TTLL5: variants seen among roughly 807,000 people sequenced by gnomAD.
TTLL5 encodes the protein tubulin polyglutamylase TTLL5.
In TTLL5, 132 loss-of-function variants were observed where a neutral mutation model predicts 168.4. The observed-to-expected ratio is 0.78, with a 90% confidence interval of 0.68 to 0.91. The LOEUF is 0.91. Among genes scored for constraint, TTLL5 ranks in the 40% least tolerant of loss-of-function variants. TTLL5 has a pLI of 0.00. For synonymous variants in TTLL5, 546 were observed against 558.6 expected, an observed-to-expected ratio of 0.98 and a Z score of 0.32; for missense variants, 1,545 against 1,581.5, an observed-to-expected ratio of 0.98 and a Z score of 0.39.
intron 29 of TTLL5, among the ~76,000 whole-genome samples, chr14:75,872,645 C>G (rs966213801): frequency 6.6e-6 from 1 of 152,108 alleles, no homozygotes; most frequent in Non-Finnish European, 1.5e-5. Flanking sequence ...TGTGGTGGCT[C>G]ACACCCATAA....
intron 10 of TTLL5, among the ~76,000 whole-genome samples, chr14:75,718,982 A>G (rs1435320186): frequency 6.6e-6 from 1 of 152,208 alleles, no homozygotes; most frequent in Non-Finnish European, 1.5e-5. Context: ...AAGAGATCAT[A>G]CCTCCACTGT....
intron 31 of TTLL5, among the ~76,000 whole-genome samples, chr14:75,922,018 CTCTTTGTT>C (rs1008830794): frequency 3.3e-5 from 5 of 152,026 alleles, no homozygotes; most frequent in African/African-American, 1.2e-4. Flanking sequence ...CATGATTTGG[CTCTTTGTT>C]TGTTTGTTTG....
intron 5 of TTLL5, among the ~76,000 whole-genome samples, chr14:75,689,074 A>G (rs969453585): frequency 1.3e-5 from 2 of 152,232 alleles, no homozygotes; most frequent in Admixed American, 6.5e-5. Context: ...TGTAAAAGAC[A>G]TTACAGCTTC....
intron 17 of TTLL5, among the ~76,000 whole-genome samples, chr14:75,752,260 T>C (rs1451897731): frequency 1.3e-5 from 2 of 152,214 alleles, no homozygotes; most frequent in African/African-American, 4.8e-5. Context: ...ACCCAGCCCC[T>C]GTTCAAGATG....
At chr14:75,861,544 T>C (rs61980817) in intron 28 of TTLL5, among the ~76,000 whole-genome samples, 3,960 of 152,268 alleles carry the variant, frequency 0.026, 69 homozygotes, top group Non-Finnish European at 0.042. Flanking sequence ...ACCTCTGTCA[T>C]TGAAATGACT....
intron 31 of TTLL5, among the ~76,000 whole-genome samples, chr14:75,942,479 G>A (rs984758551): frequency 6.6e-6 from 1 of 152,100 alleles, no homozygotes; most frequent in African/African-American, 2.4e-5. Context: ...TAAGAGTGTA[G>A]CAGTGAAAAT....
At chr14:75,933,676 T>A (rs573366611) in intron 31 of TTLL5, among the ~76,000 whole-genome samples, 2 of 152,352 alleles carry the variant, frequency 1.3e-5, no homozygotes, top group African/African-American at 4.8e-5. Flanking sequence ...AGGCTGCTGT[T>A]ATGGACTGAA....
At chr14:75,885,998 G>A (rs1229165836) in intron 30 of TTLL5, among the ~76,000 whole-genome samples, 11 of 152,066 alleles carry the variant, frequency 7.2e-5, no homozygotes, top group Non-Finnish European at 1.3e-4. Context: ...CCTTTACTCC[G>A]GCTCAGTTCA....
chr14:75,910,050 T>C (rs1292329551), intron 31 of TTLL5, among the ~76,000 whole-genome samples: 1 of 152,222 alleles, frequency 6.6e-6, no homozygotes, highest in African/African-American at 2.4e-5. Context: ...AAGGGGTTCA[T>C]TGGCCTTGAA....
At chr14:75,809,845 C>T (rs566710384) in intron 27 of TTLL5, among the ~76,000 whole-genome samples, 5 of 152,220 alleles carry the variant, frequency 3.3e-5, no homozygotes, top group African/African-American at 1.2e-4. Context: ...TCACTTATTA[C>T]ATTTAACATA....
intron 6 of TTLL5, among the ~76,000 whole-genome samples, chr14:75,698,890 G>A (rs1886058358): frequency 6.6e-6 from 1 of 151,156 alleles, no homozygotes; most frequent in Non-Finnish European, 1.5e-5. Context: ...GGTCAACAGA[G>A]CAAAGACCCT....
intron 18 of TTLL5, among the ~76,000 whole-genome samples, chr14:75,754,456 A>G (rs914284259): frequency 3.3e-5 from 5 of 152,230 alleles, no homozygotes; most frequent in African/African-American, 1.2e-4. Context: ...TTCACAGGTT[A>G]TATAGGTCTG....
At chr14:75,780,231 A>G (rs561374226) in intron 24 of TTLL5, among the ~76,000 whole-genome samples, 2 of 152,322 alleles carry the variant, frequency 1.3e-5, no homozygotes, top group Admixed American at 1.3e-4. Context: ...TCTCTAACTT[A>G]ACATCATTGG....
chr14:75,770,327 A>T (rs1190721718), intron 20 of TTLL5, among the ~76,000 whole-genome samples: 3 of 152,142 alleles, frequency 2.0e-5, no homozygotes, highest in African/African-American at 7.2e-5. Flanking sequence ...CTCAAAAGCA[A>T]ATCTTCTCCC....
intron 26 of TTLL5, 146 bp downstream of exon 26, chr14:75,783,676 G>T (rs1892191449): frequency 1.7e-6 from 2 of 1,169,232 alleles, no homozygotes; most frequent in South Asian, 1.7e-5. Context: ...GACTAAAGAA[G>T]ACTTTTGCAT....
rs181391633 is a variant in TTLL5, at chr14:75,881,377, T to C, written c.3523-1308T>C. Among the ~76,000 whole-genome samples, 25 of 152,280 alleles carry C rather than the reference T, an allele frequency of 1.6e-4. 1 individual carries two copies. ...AAATCTCTTTGTTCTTTGTCAAGCA[T>C]CTCAGTGAAACACATTTACTCCACA... On this transcript the variant is annotated intron_variant, in intron 29 of 31. Coordinates refer to ENST00000298832, the MANE Select transcript of TTLL5 (RefSeq NM_015072.5).
intron 31 of TTLL5, among the ~76,000 whole-genome samples, chr14:75,945,135 G>A (rs2034728314): frequency 6.6e-6 from 1 of 151,352 alleles, no homozygotes; most frequent in Non-Finnish European, 1.5e-5. Context: ...CAAGCCACCT[G>A]CTTGGCCCTC....
At chr14:75,741,854 C>A (rs1037516565) in intron 15 of TTLL5, among the ~76,000 whole-genome samples, 1 of 152,116 alleles carries the variant, frequency 6.6e-6, no homozygotes, top group African/African-American at 2.4e-5. Flanking sequence ...ATATGGGAGA[C>A]AAGTCTTTGA....
chr14:75,936,461 G>A (rs191385508), intron 31 of TTLL5, among the ~76,000 whole-genome samples: 1 of 152,034 alleles, frequency 6.6e-6, no homozygotes, highest in Non-Finnish European at 1.5e-5. Context: ...TCTCTTCCTC[G>A]CTTTGTATTT....
Sources: gnomAD v4.1 joint callset for allele counts (sites outside exome capture counted in the v4.1 genomes callset) on GRCh38, gnomAD v4.1.1 for gene constraint, MANE v1.5 for transcripts, NCBI Gene and HGNC (gene_info 2026-07-23, HGNC 2026-07-21) for gene names.